XKRX: variants seen among roughly 807,000 people sequenced by gnomAD.
The protein encoded by XKRX is XK-related protein 2.
In XKRX, 11 loss-of-function variants were observed where a neutral mutation model predicts 22.4. That is an observed-to-expected ratio of 0.49 (90% CI 0.31 to 0.81). XKRX has a LOEUF of 0.81. Among genes scored for constraint, XKRX ranks in the 40% least tolerant of loss-of-function variants. XKRX has a pLI of 0.05. For synonymous variants in XKRX, 114 were observed against 132.2 expected (o/e 0.86, Z 0.94); for missense variants, 320 against 336.5 (o/e 0.95, Z 0.38).
chrX:100,910,239 C>A (rs1382965748), downstream of XKRX, among the ~76,000 whole-genome samples: 1 of 110,832 alleles, frequency 9.0e-6, no homozygotes. Context: ...TCTCTGCCTC[C>A]TCTCCACTCA....
the XKRX span, among the ~76,000 whole-genome samples, chrX:100,954,484 AG>A: frequency 9.0e-6 from 1 of 111,637 alleles, no homozygotes; most frequent in Non-Finnish European, 1.9e-5. Flanking sequence ...AAAATAATAC[AG>A]CTGCTTTGAA....
the XKRX span, chrX:100,957,569 C>A: frequency 1.1e-6 from 1 of 885,119 alleles, no homozygotes; most frequent in South Asian, 2.5e-5. Flanking sequence ...CTGTGTGAAC[C>A]GCAAACCAGC....
chrX:100,905,541 A>AT, the XKRX span, among the ~76,000 whole-genome samples: 1 of 112,360 alleles, frequency 8.9e-6, no homozygotes, highest in African/African-American at 3.2e-5. Context: ...AACACAGGAG[A>AT]AATCTCTAGT....
At chrX:100,898,600 A>C in the XKRX span, among the ~76,000 whole-genome samples, 279 of 64,863 alleles carry the variant, frequency 4.3e-3, 2 homozygotes, top group Middle Eastern at 0.05. Flanking sequence ...ACAACAACAA[A>C]AAAAAAAAAA....
Position 100,928,015 on chromosome X carries a change from G to A in XKRX, c.290C>T (p.Pro97Leu). 1 of 1,208,247 alleles carries A rather than the reference G, an allele frequency of 8.3e-7. No homozygotes were observed. Among genetic ancestry groups the A allele is most frequent in the Non-Finnish European group, 1.1e-6 (1 of 894,270 alleles). Residue 97 changes from proline (P) to leucine (L), a missense_variant, in exon 1 of 3, where the codon CCG becomes CTG. Coordinates refer to ENST00000372956, the MANE Select transcript of XKRX (RefSeq NM_212559.3). Reference sequence around the variant, plus strand: ...GATTAGATGCATAAATAATGATAGCGGTTTATCTTTGGCTAGATCTCTGTG... The same window carrying A: ...GATTAGATGCATAAATAATGATAGCAGTTTATCTTTGGCTAGATCTCTGTG... Reference protein sequence around the residue: ...FVHRDLAKDKPLSLFMHLILL... With the variant: ...FVHRDLAKDKLLSLFMHLILL...
the XKRX span, among the ~76,000 whole-genome samples, chrX:100,893,193 T>A: frequency 4.6e-4 from 51 of 112,011 alleles, no homozygotes; most frequent in Non-Finnish European, 9.0e-4. Context: ...AATAGAAAGA[T>A]GTTGGTCAAC....
downstream of XKRX, chrX:100,910,919 A>G: frequency 3.4e-6 from 2 of 582,668 alleles, no homozygotes; most frequent in South Asian, 2.4e-5. Context: ...GCATGAAAAG[A>G]GAAACACCAA....
the XKRX span, among the ~76,000 whole-genome samples, chrX:100,901,059 G>A: frequency 1.8e-5 from 2 of 110,968 alleles, no homozygotes; most frequent in Non-Finnish European, 3.8e-5. Flanking sequence ...CAAAGTGCTG[G>A]GATTACAGGC....
At chrX:100,919,225 T>C (rs1314953348) in intron 2 of XKRX, among the ~76,000 whole-genome samples, 2 of 111,834 alleles carry the variant, frequency 1.8e-5, no homozygotes, top group African/African-American at 6.5e-5. Context: ...TTTTGTAGGA[T>C]GAATTAAAAA....
chrX:100,911,161 T>G (rs1299336331), downstream of XKRX: 13 of 589,614 alleles, frequency 2.2e-5, no homozygotes, highest in Admixed American at 2.7e-4. Context: ...GGATGGTTAC[T>G]AAAGTCTGCT....
chrX:100,938,758 T>C, the XKRX span, among the ~76,000 whole-genome samples: 1 of 112,314 alleles, frequency 8.9e-6, no homozygotes, highest in African/African-American at 3.2e-5. Flanking sequence ...TATTTAAGCA[T>C]GGCAAATTGA....
the XKRX span, among the ~76,000 whole-genome samples, chrX:100,947,411 TATC>T: frequency 8.9e-6 from 1 of 112,536 alleles, no homozygotes; most frequent in Non-Finnish European, 1.9e-5. Flanking sequence ...TGTGTATACA[TATC>T]ATCACGCTAA....
chrX:100,953,432 T>C, the XKRX span, among the ~76,000 whole-genome samples: 3 of 111,457 alleles, frequency 2.7e-5, no homozygotes, highest in Non-Finnish European at 5.6e-5. Context: ...AATTAAGCAG[T>C]GGTTTCTTAG....
At chrX:100,901,056 C>T in the XKRX span, among the ~76,000 whole-genome samples, 1 of 111,271 alleles carries the variant, frequency 9.0e-6, no homozygotes, top group Non-Finnish European at 1.9e-5. Context: ...TCCCAAAGTG[C>T]TGGGATTACA....
the XKRX span, among the ~76,000 whole-genome samples, chrX:100,900,427 GTCTTTGACAATTACTTTT>G: frequency 8.1e-5 from 9 of 110,564 alleles, no homozygotes; most frequent in South Asian, 2.0e-3. Flanking sequence ...AATCTCAGTT[GTCTTTGACAATTACTTTT>G]TCTTGTCCTC....
At chrX:100,910,297 G>A (rs1485467764), downstream of XKRX, among the ~76,000 whole-genome samples, 2 of 111,066 alleles carry the variant, frequency 1.8e-5, no homozygotes, top group Non-Finnish European at 3.8e-5. Flanking sequence ...TAAGATTTAA[G>A]AGAGTAGGCC....
the XKRX span, among the ~76,000 whole-genome samples, chrX:100,949,379 T>TTTTTA: frequency 1.0e-5 from 1 of 97,997 alleles, no homozygotes. Context: ...TTTTTTTTTT[T>TTTTTA]GAGAGAGACG....
the XKRX span, among the ~76,000 whole-genome samples, chrX:100,894,253 C>T: frequency 9.0e-6 from 1 of 111,418 alleles, no homozygotes; most frequent in Non-Finnish European, 1.9e-5. Flanking sequence ...GGCAACAGAG[C>T]GAGACTCTGT....
chrX:100,901,042 G>A, the XKRX span, among the ~76,000 whole-genome samples: 9 of 110,847 alleles, frequency 8.1e-5, no homozygotes, highest in South Asian at 3.8e-4. Context: ...TGCCCGCCTT[G>A]GCCTCCCAAA....
Sources: gnomAD v4.1 joint callset for allele counts (sites outside exome capture counted in the v4.1 genomes callset) on GRCh38, gnomAD v4.1.1 for gene constraint, MANE v1.5 for transcripts, NCBI Gene and HGNC (gene_info 2026-07-23, HGNC 2026-07-21) for gene names.